Variants in AKAP12 observed in about 807,000 individuals in gnomAD.
The protein encoded by AKAP12 is A-kinase anchoring protein 12, also known as A-kinase anchor protein 12.
Under a neutral mutation model 79.9 loss-of-function variants are expected in AKAP12, and 32 were observed. The observed-to-expected ratio is 0.40, with a 90% CI of 0.30 to 0.54. The LOEUF (loss-of-function observed/expected upper bound fraction) is 0.54, where lower values mean the gene tolerates loss of function less well. Among genes scored for constraint, AKAP12 ranks in the 20% least tolerant of loss-of-function variants. The pLI is 0.48. For missense variants in AKAP12, 2,074 were observed against 2,177.0 expected (o/e 0.95, Z 0.94); for synonymous variants, 808 against 857.0 (o/e 0.94, Z 1.00).
At chr6:151,251,031 T>C (rs1797163728) in intron 2 of AKAP12, among the ~76,000 whole-genome samples, 1 of 152,194 alleles carries the variant, frequency 6.6e-6, no homozygotes, top group Non-Finnish European at 1.5e-5. Flanking sequence ...AGATGAAATA[T>C]TCAACAGCAA....
chr6:151,269,825 G>A (rs934009791), intron 2 of AKAP12, among the ~76,000 whole-genome samples: 1 of 152,018 alleles, frequency 6.6e-6, no homozygotes, highest in Non-Finnish European at 1.5e-5. Flanking sequence ...CATGATCTTC[G>A]AACATTTTCA....
intron 2 of AKAP12, among the ~76,000 whole-genome samples, chr6:151,288,139 A>G (rs1163624560): frequency 6.6e-6 from 1 of 151,914 alleles, no homozygotes; most frequent in East Asian, 1.9e-4. Flanking sequence ...GGTGCAGCAA[A>G]TCACCATGGC....
At chr6:151,270,181 C>T (rs1210102184) in intron 2 of AKAP12, among the ~76,000 whole-genome samples, 3 of 152,092 alleles carry the variant, frequency 2.0e-5, no homozygotes, top group Admixed American at 6.6e-5. Flanking sequence ...CTCAGCCTCC[C>T]GAGTAGCTGG....
At chr6:151,324,827 C>A in intron 3 of AKAP12, 1 of 985,370 alleles carries the variant, frequency 1.0e-6, no homozygotes. Context: ...TTACAAAGAA[C>A]AAACCTGAAG....
At position 151,350,101 on chromosome 6, in the gene AKAP12, T is replaced by C. The variant is rs779526060; in HGVS notation, c.1710T>C (p.Pro570=). The C allele has an allele frequency of 6.2e-7, 1 of 1,613,794 alleles. No individual in the cohort carries two copies. The highest frequency in any genetic ancestry group is 8.5e-7 in the Non-Finnish European group (1 of 1,179,952). Residue 570 remains proline (P), a synonymous_variant, in exon 4 of 5, where the codon CCT becomes CCC. Transcript: ENST00000402676. This position sits in a 1 kb window ranked among gnomAD's most constrained non-coding sequence, Gnocchi z 4.8. The part of the protein sequence containing the change: ...EQKGESSASS[P]EEPEEITCLE... Reference sequence around the variant, plus strand: ...AGGGCGAGAGCTCTGCCTCATCCCCTGAGGAGCCCGAGGAGATCACGTGTC... The same window carrying C: ...AGGGCGAGAGCTCTGCCTCATCCCCCGAGGAGCCCGAGGAGATCACGTGTC...
intron 3 of AKAP12, among the ~76,000 whole-genome samples, chr6:151,312,377 G>A (rs1777125115): frequency 6.6e-6 from 1 of 152,016 alleles, no homozygotes; most frequent in Admixed American, 6.6e-5. Context: ...GGAGGCTAAG[G>A]TGGGAGGATC....
chr6:151,288,774 C>T (rs1172005328), intron 2 of AKAP12, among the ~76,000 whole-genome samples: 2 of 152,172 alleles, frequency 1.3e-5, no homozygotes, highest in Non-Finnish European at 2.9e-5. Flanking sequence ...TCTTCTGCCT[C>T]CTAAATCAGG....
chr6:151,305,170 T>G (rs201114895), intron 2 of AKAP12, among the ~76,000 whole-genome samples: 1 of 63,556 alleles, frequency 1.6e-5, no homozygotes, highest in Admixed American at 1.2e-4. Flanking sequence ...GTCAGGGCTG[T>G]TTTTTTTTTT....
intron 3 of AKAP12, chr6:151,348,251 T>C: frequency 2.5e-6 from 1 of 407,838 alleles, no homozygotes; most frequent in African/African-American, 2.2e-5. Flanking sequence ...CACTTGAACC[T>C]AGGACAGAGG....
At chr6:151,241,948 G>T (rs535999767) in intron 2 of AKAP12, among the ~76,000 whole-genome samples, 2 of 151,646 alleles carry the variant, frequency 1.3e-5, no homozygotes, top group Non-Finnish European at 2.9e-5. Context: ...GCCAGTCTTT[G>T]ATTCATAACT....
intron 2 of AKAP12, among the ~76,000 whole-genome samples, chr6:151,259,459 C>CATATATATATGTGTAT (rs1797369219): frequency 7.1e-6 from 1 of 140,178 alleles, no homozygotes; most frequent in East Asian, 2.1e-4. Flanking sequence ...TATATACACA[C>CATATATATATGTGTAT]ATATATACAT....
intron 2 of AKAP12, among the ~76,000 whole-genome samples, chr6:151,271,634 A>G (rs1238724542): frequency 6.6e-6 from 1 of 151,396 alleles, no homozygotes; most frequent in Admixed American, 6.6e-5. Context: ...CCCACAACTG[A>G]AAAACTTTAA....
intron 2 of AKAP12, among the ~76,000 whole-genome samples, chr6:151,287,204 G>C (rs752839802): frequency 1.3e-5 from 2 of 152,096 alleles, no homozygotes; most frequent in African/African-American, 4.8e-5. Flanking sequence ...CTCCCAGAGT[G>C]CTGGGATTAC....
intron 3 of AKAP12, chr6:151,325,740 C>A: frequency 1.9e-6 from 3 of 1,555,732 alleles, no homozygotes; most frequent in South Asian, 2.4e-5. Flanking sequence ...AGTGTCTGGG[C>A]GCTCAGTCCG....
intron 3 of AKAP12, among the ~76,000 whole-genome samples, chr6:151,333,518 A>G (rs2786746): frequency 6.6e-6 from 1 of 152,144 alleles, no homozygotes; most frequent in Non-Finnish European, 1.5e-5. Context: ...TGGGAGGCCG[A>G]CATGAGCGGA....
chr6:151,240,669 C>T lies in AKAP12; in HGVS notation c.107C>T (p.Ala36Val). 2 of 1,296,206 alleles carry T rather than the reference C, an allele frequency of 1.5e-6. No individual in the cohort carries two copies. Among genetic ancestry groups the T allele is most frequent in the Non-Finnish European group, 9.8e-7 (1 of 1,025,070 alleles). 80.3% of individuals were successfully genotyped at this position (1,296,206 alleles called of 1,614,324 possible). ...EPSGGGPSAEAAPDTTADPAI... is the reference protein window; with the variant it reads ...EPSGGGPSAEVAPDTTADPAI... ...AGCGGCGGCGGCCCCTCGGCCGAGGCGGCGCCAGACACCACCGCGGACCCC... is the reference window on the plus strand; with the variant it reads ...AGCGGCGGCGGCCCCTCGGCCGAGGTGGCGCCAGACACCACCGCGGACCCC... Residue 36 changes from alanine to valine, a missense_variant, in exon 2 of 5, where the codon GCG becomes GTG. Ala to Val is a moderately conservative substitution (Grantham distance 64, BLOSUM62 0). Transcript: ENST00000402676.
chr6:151,304,196 C>T lies in AKAP12; in HGVS notation c.163-1551C>T, dbSNP rs368079995. Among the ~76,000 whole-genome samples the T allele has an allele frequency of 7.1e-4, 108 of 151,946 alleles. 2 individuals carry two copies. The South Asian group carries it at 0.017, about 24-fold the overall frequency. On this transcript the variant is annotated intron_variant, in intron 2 of 4. Transcript: ENST00000402676. ...ACCTATATTCTCAGGATTAAAAATA[C>T]GACCAAGAGCAAGCCGGGCACAGTG...
chr6:151,337,557 A>G (rs563740792), intron 3 of AKAP12, among the ~76,000 whole-genome samples: 5 of 151,636 alleles, frequency 3.3e-5, no homozygotes, highest in African/African-American at 9.7e-5. Flanking sequence ...GTAAACATAC[A>G]GAAAGTTGGA....
At chr6:151,341,047 T>C (rs1262218154) in intron 3 of AKAP12, among the ~76,000 whole-genome samples, 1 of 122,594 alleles carries the variant, frequency 8.2e-6, no homozygotes, top group Non-Finnish European at 1.5e-5. Context: ...TGTTTTTGTT[T>C]CTTTTTTTTC....
Sources: gnomAD v4.1 joint callset for allele counts (sites outside exome capture counted in the v4.1 genomes callset) on GRCh38, gnomAD v4.1.1 for gene constraint, Gnocchi (gnomAD v3.1) non-coding constraint, MANE v1.5 for transcripts, NCBI Gene and HGNC (gene_info 2026-07-23, HGNC 2026-07-21) for gene names.